Variants in RBFOX1 observed in about 807,000 individuals in gnomAD.
The protein encoded by RBFOX1 is RNA binding fox-1 homolog 1, also known as RNA binding protein fox-1 homolog 1.
A neutral mutation model predicts 57.7 loss-of-function variants in RBFOX1; 8 were observed. That is an observed-to-expected ratio of 0.14 (90% CI 0.08 to 0.25). The LOEUF (loss-of-function observed/expected upper bound fraction) is 0.25, where lower values mean the gene tolerates loss of function less well. Ranked by LOEUF, RBFOX1 falls within the 10% of genes least tolerant of loss-of-function variation. The probability of loss-of-function intolerance (pLI) is 1.00; values close to 1 mark genes in which losing one functional copy is unlikely to be tolerated. For synonymous variants in RBFOX1, 326 were observed against 222.4 expected, an observed-to-expected ratio of 1.47 and a Z score of -4.15; for missense variants, 611 against 548.5, an observed-to-expected ratio of 1.11 and a Z score of -1.14.
intron 3 of RBFOX1, among the ~76,000 whole-genome samples, chr16:5,691,552 T>C (rs1362382391): frequency 6.6e-6 from 1 of 152,144 alleles, no homozygotes; most frequent in Non-Finnish European, 1.5e-5. Flanking sequence ...GGACTAGAAG[T>C]TTTCAGATTT....
At chr16:6,736,806 C>T (rs902735375) in intron 3 of RBFOX1, among the ~76,000 whole-genome samples, 1 of 152,268 alleles carries the variant, frequency 6.6e-6, no homozygotes, top group East Asian at 1.9e-4. Context: ...GTATGGAATG[C>T]TGTATTCATA....
intron 3 of RBFOX1, among the ~76,000 whole-genome samples, chr16:7,001,258 G>C (rs953822000): frequency 6.6e-6 from 1 of 152,034 alleles, no homozygotes; most frequent in African/African-American, 2.4e-5. Context: ...CTGTCTCCTT[G>C]TTCAGATGGA....
At chr16:5,393,939 T>C (rs2151424652) in intron 1 of RBFOX1, among the ~76,000 whole-genome samples, 1 of 152,358 alleles carries the variant, frequency 6.6e-6, no homozygotes, top group South Asian at 2.1e-4. Context: ...ACTTGACTCT[T>C]CTCGGCACCT....
At chr16:6,250,799 C>A (rs1423079154) in intron 1 of RBFOX1, among the ~76,000 whole-genome samples, 1 of 152,116 alleles carries the variant, frequency 6.6e-6, no homozygotes, top group Admixed American at 6.6e-5. Context: ...AAATTAATCC[C>A]CCAAATGGCA....
At chr16:7,236,439 T>A (rs1360589441) in intron 4 of RBFOX1, among the ~76,000 whole-genome samples, 3 of 152,160 alleles carry the variant, frequency 2.0e-5, no homozygotes, top group African/African-American at 7.2e-5. Context: ...TCAGTTCTCC[T>A]CTCCGCTGTC....
At chr16:6,618,378 C>A (rs2098174387) in intron 2 of RBFOX1, among the ~76,000 whole-genome samples, 1 of 152,104 alleles carries the variant, frequency 6.6e-6, no homozygotes, top group South Asian at 2.1e-4. Context: ...GCCAAATAAC[C>A]ATAAAAGGTA....
intron 1 of RBFOX1, among the ~76,000 whole-genome samples, chr16:6,266,355 A>G (rs2074487500): frequency 6.6e-6 from 1 of 152,204 alleles, no homozygotes; most frequent in Non-Finnish European, 1.5e-5. Flanking sequence ...GTGTCTCAGA[A>G]GCCATTTCTT....
chr16:5,624,812 A>G (rs138871310), intron 3 of RBFOX1, among the ~76,000 whole-genome samples: 1 of 152,308 alleles, frequency 6.6e-6, no homozygotes, highest in Non-Finnish European at 1.5e-5. Flanking sequence ...GGCATCACAG[A>G]GCTCTTATGG....
chr16:7,224,362 C>A (rs557152211), intron 4 of RBFOX1, among the ~76,000 whole-genome samples: 1 of 152,180 alleles, frequency 6.6e-6, no homozygotes, highest in East Asian at 1.9e-4. Context: ...ATTTTCAGTC[C>A]CATTGACATT....
chr16:6,450,767 G>A (rs200979674), intron 2 of RBFOX1, among the ~76,000 whole-genome samples: 10,667 of 33,600 alleles, frequency 0.32, 2,466 homozygotes, highest in East Asian at 0.57. Context: ...ATATATATGT[G>A]TATATATATA....
intron 3 of RBFOX1, among the ~76,000 whole-genome samples, chr16:5,732,839 G>C (rs1009031418): frequency 2.0e-5 from 3 of 152,236 alleles, no homozygotes; most frequent in East Asian, 1.9e-4. Flanking sequence ...GTCTTCAACC[G>C]TGTCTTCATG....
intron 1 of RBFOX1, among the ~76,000 whole-genome samples, chr16:6,266,234 G>C (rs191546986): frequency 1.3e-5 from 2 of 152,256 alleles, no homozygotes; most frequent in Admixed American, 6.5e-5. Context: ...ATAGCTAAAA[G>C]ACAGCCAACA....
chr16:7,676,671 T>A, intron 13 of RBFOX1, 103 bp from the exon 14 acceptor site: 1 of 974,370 alleles, frequency 1.0e-6, no homozygotes, highest in Non-Finnish European at 1.6e-6. Flanking sequence ...CAACTTTAGC[T>A]CAGTAGATTT....
chr16:5,829,934 C>T lies in RBFOX1; in HGVS notation c.319-37369C>T, dbSNP rs150797588. 7.0e-4 allele frequency among the ~76,000 whole-genome samples: 106 copies of T among 152,206 alleles called. 1 individual carries two copies. Among genetic ancestry groups the T allele is most frequent in the African/African-American group, 2.3e-3 (96 of 41,520 alleles). On this transcript the variant is annotated intron_variant, in intron 3 of 19. Coordinates refer to the RBFOX1 transcript ENST00000641259. ...TGACTTACTGGCATAGACGGTTGGG[C>T]TTCTGAAAGACCCTTAGGAGCAAGG...
At position 6,936,111 on chromosome 16, in the gene RBFOX1, C is replaced by G. The variant is rs575859665; in HGVS notation, c.-15-115946C>G. The stretch of plus-strand genomic sequence containing the variant: ...TTAGATCTGAGGTTCACTTTTTGCT[C>G]CGGGGGTTCAGCTTCTGTACACTTG... On this transcript the variant is annotated intron_variant, in intron 3 of 15. Coordinates refer to ENST00000550418, the MANE Select transcript of RBFOX1 (RefSeq NM_018723.4). Among the ~76,000 whole-genome samples, 9 of 152,204 alleles carry G rather than the reference C, an allele frequency of 5.9e-5. No individual in the cohort carries two copies. In the South Asian group the frequency reaches 1.7e-3, roughly 28 times the overall value.
intron 3 of RBFOX1, among the ~76,000 whole-genome samples, chr16:6,838,977 T>A (rs1320625260): frequency 1.3e-5 from 2 of 151,778 alleles, no homozygotes; most frequent in African/African-American, 2.4e-5. Flanking sequence ...AGTGTATCCA[T>A]CATTTTCTTT....
chr16:6,916,657 A>G (rs1227438569), intron 3 of RBFOX1, among the ~76,000 whole-genome samples: 1 of 151,860 alleles, frequency 6.6e-6, no homozygotes, highest in African/African-American at 2.4e-5. Context: ...GGTCATCACG[A>G]CCTTCCCAGG....
chr16:6,775,329 C>CAA (rs371277644), intron 3 of RBFOX1, among the ~76,000 whole-genome samples: 6,193 of 65,986 alleles, frequency 0.094, 453 homozygotes, highest in East Asian at 0.12. Flanking sequence ...GACTCTGTCT[C>CAA]AAAAAAAAAA....
intron 4 of RBFOX1, among the ~76,000 whole-genome samples, chr16:7,147,191 G>A (rs549060867): frequency 6.7e-6 from 1 of 149,322 alleles, no homozygotes; most frequent in East Asian, 2.0e-4. Context: ...TTTTAGCAGA[G>A]ACAGGGTTTC....
Sources: gnomAD v4.1 joint callset for allele counts (sites outside exome capture counted in the v4.1 genomes callset) on GRCh38, gnomAD v4.1.1 for gene constraint, MANE v1.5 for transcripts, NCBI Gene and HGNC (gene_info 2026-07-23, HGNC 2026-07-21) for gene names.